The following KRT20 variants were observed in gnomAD, a reference collection of about 807,000 sequenced individuals.
The protein encoded by KRT20 is keratin 20.
KRT20 carries 41 observed loss-of-function variants against 43.0 expected under a neutral mutation model. The ratio of observed to expected loss-of-function variants is 0.95; its 90% CI spans 0.74 to 1.24. The LOEUF (loss-of-function observed/expected upper bound fraction) is 1.24. Among genes scored for constraint, KRT20 ranks in the 50% most tolerant of loss-of-function variants. The probability of loss-of-function intolerance (pLI) is 0.00; values close to 1 mark genes in which losing one functional copy is unlikely to be tolerated. For synonymous variants in KRT20, 207 were observed against 200.6 expected (o/e 1.03, Z -0.27); for missense variants, 533 against 521.2 (o/e 1.02, Z -0.22).
At position 40,877,330 on chromosome 17, in the gene KRT20, A is replaced by G. The variant is rs766332068; in HGVS notation, c.1177+50T>C. 1.4e-5 allele frequency: 19 copies of G among 1,349,656 alleles called. No individual in the cohort carries two copies. The African/African-American group carries it at 2.9e-4, about 21-fold the overall frequency. The allele number at this position is 1,349,656 out of a possible 1,614,324, so 83.6% of individuals were successfully genotyped here. A position where few individuals can be genotyped will look rare whatever the true frequency, so the allele number is the denominator to read the frequency against. On this transcript the variant is annotated intron_variant, in intron 7 of 7. Transcript: ENST00000167588. ...ACTTTTTATCAGTGGCATGTAGTTA[A>G]TAGAAAGCAGCTGAATGTCATAGAA... is the stretch of plus-strand genomic sequence containing the variant.
At chr17:40,877,057 G>A (rs369258392) in intron 7 of KRT20, among the ~76,000 whole-genome samples, 3 of 152,200 alleles carry the variant, frequency 2.0e-5, no homozygotes, top group Admixed American at 6.5e-5. Flanking sequence ...GTTATTGTGA[G>A]AGTGGGCTAG....
intron 1 of KRT20, among the ~76,000 whole-genome samples, chr17:40,884,133 T>C (rs1166409687): frequency 6.6e-6 from 1 of 152,204 alleles, no homozygotes. Context: ...CCACCCTTTT[T>C]TTGATGACAT....
chr17:40,883,524 A>T (rs1031785016), intron 1 of KRT20, among the ~76,000 whole-genome samples: 5 of 152,220 alleles, frequency 3.3e-5, no homozygotes, highest in African/African-American at 1.2e-4. Flanking sequence ...CCCAGCACCT[A>T]GTTAGTGTTC....
At position 40,876,314 on chromosome 17, in the gene KRT20, G is replaced by T; in HGVS notation, c.*47C>A. The T allele has an allele frequency of 1.6e-6, 2 of 1,247,296 alleles. No individual in the cohort carries two copies. The highest frequency in any genetic ancestry group is 2.4e-6 in the Non-Finnish European group (2 of 847,268). 77.3% of individuals were successfully genotyped at this position (1,247,296 alleles called of 1,614,324 possible). ...TGCAGGGAGCAAAGATAAGATTATA[G>T]CCAAATTTCTTTCAAAACCTCAGCA... On this transcript the variant is annotated 3_prime_UTR_variant, in exon 8 of 8. Coordinates refer to ENST00000167588, the MANE Select transcript of KRT20 (RefSeq NM_019010.3).
chr17:40,877,973 C>T (rs1488344049), intron 6 of KRT20, among the ~76,000 whole-genome samples, 172 bp downstream of exon 6: 1 of 151,780 alleles, frequency 6.6e-6, no homozygotes, highest in Non-Finnish European at 1.5e-5. Flanking sequence ...ATATTTTGGG[C>T]GTGTGTGTAT....
chr17:40,880,798 A>G (rs2143307284), intron 2 of KRT20, 28 bp from the exon 3 acceptor site: 1 of 1,461,586 alleles, frequency 6.8e-7, no homozygotes, highest in East Asian at 2.4e-5. Flanking sequence ...TACAGAGATA[A>G]CTGGTCCTTC....
chr17:40,881,624 G>A (rs897601408), intron 2 of KRT20, among the ~76,000 whole-genome samples: 7 of 152,094 alleles, frequency 4.6e-5, no homozygotes, highest in Non-Finnish European at 1.0e-4. Context: ...AGGTAAAATT[G>A]GAAGTAATGC....
rs769153459 is a variant in KRT20 at position 40,882,625 on chromosome 17, C to T, written c.420G>A (p.Arg140=). The change falls in exon 2 of 8, where the codon CGG becomes CGA. Residue 140 remains arginine (R), a synonymous_variant. Coordinates refer to ENST00000167588, the MANE Select transcript of KRT20 (RefSeq NM_019010.3). ...QIKDAQLQNA[R]CVLQIDNAKL... ...TAGCATTATCAATTTGCAGGACACA[C>T]CGAGCATTTTGCAGTTGAGCATCCT... 1 of 1,554,526 alleles carries T rather than the reference C, an allele frequency of 6.4e-7. No homozygotes were observed. The highest frequency in any genetic ancestry group is 1.8e-5 in the Admixed American group (1 of 54,948).
chr17:40,884,845 C>A lies in KRT20; in HGVS notation c.341G>T (p.Gly114Val). ...QWYETNAPRA[G>V]RDYSAYYRQI... ...TCTGTAATATGCACTGTAGTCGCGACCAGCCCTCGGGGCGTTGGTTTCGTA... is the reference window on the plus strand; with the variant it reads ...TCTGTAATATGCACTGTAGTCGCGAACAGCCCTCGGGGCGTTGGTTTCGTA... Residue 114 changes from glycine to valine, a missense_variant, in exon 1 of 8, where the codon GGT becomes GTT. Transcript: ENST00000167588. The A allele has an allele frequency of 6.2e-7, 1 of 1,614,206 alleles. No homozygotes were observed. The highest frequency in any genetic ancestry group is 1.1e-5 in the South Asian group (1 of 91,086).
At chr17:40,882,092 C>G (rs1246468136) in intron 2 of KRT20, among the ~76,000 whole-genome samples, 1 of 152,160 alleles carries the variant, frequency 6.6e-6, no homozygotes, top group Non-Finnish European at 1.5e-5. Context: ...CTGTAAAACA[C>G]TGGCAAGCCA....
chr17:40,880,479 A>G (rs1048480655), intron 3 of KRT20, 135 bp downstream of exon 3: 30 of 836,468 alleles, frequency 3.6e-5, no homozygotes, highest in African/African-American at 6.8e-5. Context: ...TTGTATCATT[A>G]TTGTCATCGT....
chr17:40,877,456 GA>G, intron 6 of KRT20, 39 bp from the exon 7 acceptor site: 3 of 1,334,000 alleles, frequency 2.2e-6, no homozygotes, highest in Non-Finnish European at 3.1e-6. Context: ...AAAAGAAACA[GA>G]AAAAAGCATT....
Position 40,880,606 on chromosome 17 carries a change from T to A in KRT20, c.630+8A>T. On this transcript the variant is annotated splice_region_variant and intron_variant, in intron 3 of 7. Coordinates refer to ENST00000167588, the MANE Select transcript of KRT20 (RefSeq NM_019010.3). The stretch of plus-strand genomic sequence containing the variant: ...TGTTTCCAATACCACTTCTGAATAT[T>A]TTCTCACCTCCTGATGCTCCTTTTT... The A allele has an allele frequency of 6.2e-7, 1 of 1,611,208 alleles. No homozygotes were observed. The highest frequency in any genetic ancestry group is 8.5e-7 in the Non-Finnish European group (1 of 1,178,496).
intron 3 of KRT20, 76 bp downstream of exon 3, chr17:40,880,538 C>T (rs1907548645): frequency 7.6e-7 from 1 of 1,310,488 alleles, no homozygotes; most frequent in Admixed American, 1.9e-5. Context: ...TCTCCTGTTT[C>T]TCCCGCTCCT....
At position 40,878,359 on chromosome 17, in the gene KRT20, ACT is replaced by A. The variant is rs760105179; in HGVS notation, c.923_924del (p.Glu308ValfsTer37). 8.1e-5 allele frequency: 131 copies of A among 1,612,804 alleles called. No homozygotes were observed. Among genetic ancestry groups the A allele is most frequent in the Non-Finnish European group, 1.1e-4 (129 of 1,179,314 alleles). On this transcript the variant is annotated frameshift_variant, in exon 6 of 8. Coordinates refer to ENST00000167588, the MANE Select transcript of KRT20 (RefSeq NM_019010.3). LOFTEE classifies it high-confidence loss of function. ...GTCTCCTCTAGAGTGTGCTCCAAAG[ACT>A]CTTTCTATGAGCACAAGAAAAATAG... ...IELQSHLSMKESLEHTLEETK... is the reference protein window; with the variant it reads ...IELQSHLSMKXSLEHTLEETK...
chr17:40,877,679 G>A (rs2143295763), intron 6 of KRT20, among the ~76,000 whole-genome samples: 1 of 152,150 alleles, frequency 6.6e-6, no homozygotes, highest in South Asian at 2.1e-4. Context: ...AAATTACAAT[G>A]GAAGTTTAAA....
At chr17:40,876,808 G>A (rs1477859570) in intron 7 of KRT20, among the ~76,000 whole-genome samples, 1 of 152,186 alleles carries the variant, frequency 6.6e-6, no homozygotes, top group East Asian at 1.9e-4. Context: ...GTGTGCCCAA[G>A]TTCCCATGTG....
At position 40,885,049 on chromosome 17, in the gene KRT20, A is replaced by G. The variant is rs373403667; in HGVS notation, c.137T>C (p.Ile46Thr). ...GTTCACCGTGTGTCTGGAGTTGGAG[A>G]TGCGGATGCCCCGGCCTCCAGCACC... ...YGGAGGRGIR[I>T]SNSRHTVNYG... Residue 46 changes from isoleucine (I) to threonine (T), a missense_variant, in exon 1 of 8, where the codon ATC (isoleucine) becomes ACC (threonine). Ile to Thr is a moderately conservative substitution (Grantham distance 89). Coordinates refer to ENST00000167588, the MANE Select transcript of KRT20 (RefSeq NM_019010.3). The G allele has an allele frequency of 2.5e-6, 4 of 1,613,986 alleles. No individual in the cohort carries two copies. The highest frequency in any genetic ancestry group is 1.3e-5 in the African/African-American group (1 of 74,894).
chr17:40,880,071 T>G, intron 4 of KRT20, 29 bp downstream of exon 4: 1 of 1,601,992 alleles, frequency 6.2e-7, no homozygotes, highest in South Asian at 1.1e-5. Flanking sequence ...ATCTACACGT[T>G]TGCTCACCCT....
Sources: gnomAD v4.1 joint callset for allele counts (sites outside exome capture counted in the v4.1 genomes callset) on GRCh38, gnomAD v4.1.1 for gene constraint, MANE v1.5 for transcripts, NCBI Gene and HGNC (gene_info 2026-07-23, HGNC 2026-07-21) for gene names.